The following NKAIN2 variants were observed in gnomAD, a reference collection of about 807,000 sequenced individuals.
The protein encoded by NKAIN2 is sodium/potassium-transporting ATPase subunit beta-1-interacting protein 2.
NKAIN2 carries 14 observed loss-of-function variants against 32.6 expected under a neutral mutation model. The observed-to-expected ratio is 0.43, with a 90% CI of 0.28 to 0.67. The LOEUF is 0.67. NKAIN2 is among the 30% of genes least tolerant of loss of function. The pLI, the probability that NKAIN2 is intolerant of heterozygous loss-of-function variation, is 0.17. For synonymous variants in NKAIN2, 80 were observed against 87.2 expected (o/e 0.92, Z 0.46); for missense variants, 198 against 258.3 (o/e 0.77, Z 1.60).
chr6:124,152,729 A>G (rs1582747854), intron 1 of NKAIN2, among the ~76,000 whole-genome samples: 1 of 151,978 alleles, frequency 6.6e-6, no homozygotes, highest in African/African-American at 2.4e-5. Context: ...TGAGTACTTC[A>G]CAGTGGGCAA....
At chr6:123,968,237 AG>A (rs1246172642) in intron 1 of NKAIN2, among the ~76,000 whole-genome samples, 5 of 152,202 alleles carry the variant, frequency 3.3e-5, no homozygotes, top group Non-Finnish European at 7.3e-5. Context: ...ACTTGCACTG[AG>A]AGCAAAGAGA....
At chr6:124,203,532 A>C (rs764965565) in intron 1 of NKAIN2, among the ~76,000 whole-genome samples, 4 of 151,824 alleles carry the variant, frequency 2.6e-5, no homozygotes, top group Non-Finnish European at 5.9e-5. Flanking sequence ...TTTAAGGCAA[A>C]TTCTGGCTTT....
At chr6:124,389,715 TTGTGTGTG>T (rs3052704) in intron 3 of NKAIN2, among the ~76,000 whole-genome samples, 64 of 141,990 alleles carry the variant, frequency 4.5e-4, no homozygotes, top group South Asian at 1.1e-3. Flanking sequence ...CTGTGTACAT[TTGTGTGTG>T]TGTGTGTGTG....
chr6:123,925,250 A>G (rs1775955526), intron 1 of NKAIN2, among the ~76,000 whole-genome samples: 1 of 152,182 alleles, frequency 6.6e-6, no homozygotes, highest in South Asian at 2.1e-4. Context: ...TTTATACCCA[A>G]TGCTAAGTTT....
chr6:124,464,068 C>T (rs1230681331), intron 3 of NKAIN2, among the ~76,000 whole-genome samples: 2 of 151,994 alleles, frequency 1.3e-5, no homozygotes, highest in South Asian at 2.1e-4. Context: ...CTGCAACCTC[C>T]ATCTCCCGGG....
At chr6:124,012,987 C>T (rs896086789) in intron 1 of NKAIN2, among the ~76,000 whole-genome samples, 1 of 152,154 alleles carries the variant, frequency 6.6e-6, no homozygotes, top group East Asian at 1.9e-4. Context: ...ACCTCCCCGC[C>T]AACATTTGAT....
At chr6:123,844,873 G>T (rs1255350311) in intron 1 of NKAIN2, among the ~76,000 whole-genome samples, 2 of 152,166 alleles carry the variant, frequency 1.3e-5, no homozygotes, top group African/African-American at 4.8e-5. Flanking sequence ...AATTTAGAAT[G>T]ATTTGAGGAG....
chr6:123,836,882 G>A (rs1157266829), intron 1 of NKAIN2, among the ~76,000 whole-genome samples: 3 of 152,050 alleles, frequency 2.0e-5, no homozygotes, highest in Non-Finnish European at 2.9e-5. Context: ...AAAATATTAT[G>A]AGTACCTCAA....
intron 2 of NKAIN2, among the ~76,000 whole-genome samples, chr6:124,323,784 C>CTTTT (rs1188944631): frequency 2.0e-4 from 23 of 115,920 alleles, no homozygotes; most frequent in African/African-American, 3.6e-4. Context: ...TTAATTTTTT[C>CTTTT]TTTTTTTTTT....
In NKAIN2 at chr6:124,725,928, G is replaced by C. The variant is rs189473188; in HGVS notation, c.475-65411G>C. ...AGGGGTCAGGGAGTTCCCTTTCCGAGTCAAAGAAAGGGGTGACGGACGGCA... is the reference window on the plus strand; with the variant it reads ...AGGGGTCAGGGAGTTCCCTTTCCGACTCAAAGAAAGGGGTGACGGACGGCA... On this transcript the variant is annotated intron_variant, in intron 4 of 6. Coordinates refer to ENST00000368417, the MANE Select transcript of NKAIN2 (RefSeq NM_001040214.3). Among the ~76,000 whole-genome samples the C allele has an allele frequency of 1.3e-3, 201 of 152,360 alleles. 2 individuals carry two copies. Among genetic ancestry groups the C allele is most frequent in the South Asian group, 9.5e-3 (46 of 4,828 alleles).
intron 3 of NKAIN2, among the ~76,000 whole-genome samples, chr6:124,567,472 C>T (rs560148326): frequency 7.2e-5 from 11 of 152,200 alleles, no homozygotes; most frequent in South Asian, 2.1e-4. Context: ...AGCAGCTCTC[C>T]GTCTCCTCAA....
chr6:124,253,209 C>G (rs1050216543), intron 1 of NKAIN2, among the ~76,000 whole-genome samples: 1 of 152,126 alleles, frequency 6.6e-6, no homozygotes, highest in Admixed American at 6.6e-5. Flanking sequence ...AAGCCTTGCA[C>G]ATTTTCCACT....
At chr6:124,341,177 A>G (rs540665864) in intron 2 of NKAIN2, among the ~76,000 whole-genome samples, 2 of 152,238 alleles carry the variant, frequency 1.3e-5, no homozygotes, top group South Asian at 4.1e-4. Flanking sequence ...TGCAAAATGG[A>G]AATTTCTGGG....
At chr6:124,701,147 ACACACG>A (rs1774763744) in intron 4 of NKAIN2, among the ~76,000 whole-genome samples, 1 of 125,844 alleles carries the variant, frequency 7.9e-6, no homozygotes, top group Non-Finnish European at 1.7e-5. Flanking sequence ...ATACACACAC[ACACACG>A]CACACACACA....
At chr6:123,872,002 T>C (rs1772914498) in intron 1 of NKAIN2, among the ~76,000 whole-genome samples, 1 of 152,212 alleles carries the variant, frequency 6.6e-6, no homozygotes, top group South Asian at 2.1e-4. Flanking sequence ...GACATGCCCC[T>C]TCCAATTTTG....
At chr6:124,472,035 C>A (rs1004120540) in intron 3 of NKAIN2, among the ~76,000 whole-genome samples, 1 of 151,814 alleles carries the variant, frequency 6.6e-6, no homozygotes, top group African/African-American at 2.4e-5. Context: ...TCCCCAATTT[C>A]TTTTCATCAT....
chr6:123,874,917 A>G (rs9385311), intron 1 of NKAIN2, among the ~76,000 whole-genome samples: 13,182 of 151,530 alleles, frequency 0.087, 1,181 homozygotes, highest in African/African-American at 0.23. Flanking sequence ...ACATATATAT[A>G]TGTGTGTGTG....
rs189800200 is a variant in NKAIN2, at chr6:124,220,331, A to G, written c.55-62674A>G. ...CCTGAAGCCTCCCCAGCCATGCCAA[A>G]CTGTGAATCAATTAAACCTCCTTTG... On this transcript the variant is annotated intron_variant, in intron 1 of 6. Transcript: ENST00000368417. 1.6e-3 allele frequency among the ~76,000 whole-genome samples: 239 copies of G among 152,196 alleles called. 3 individuals carry two copies. In the South Asian group the frequency reaches 0.039, roughly 25 times the overall value.
At chr6:124,626,498 T>G (rs1267183619) in intron 3 of NKAIN2, among the ~76,000 whole-genome samples, 1 of 152,050 alleles carries the variant, frequency 6.6e-6, no homozygotes, top group Admixed American at 6.6e-5. Context: ...CACAGAGAGG[T>G]ATGTAAATCC....
Sources: allele counts gnomAD v4.1 joint callset (sites outside exome capture counted in the v4.1 genomes callset), GRCh38; gene constraint gnomAD v4.1.1; transcripts MANE v1.5; gene names NCBI Gene and HGNC (gene_info 2026-07-23, HGNC 2026-07-21).